The following HERC2 variants were observed in gnomAD, a reference collection of about 807,000 sequenced individuals.
The protein encoded by HERC2 is E3 ubiquitin-protein ligase HERC2.
Under a neutral mutation model 537.7 loss-of-function variants are expected in HERC2, and 102 were observed. The ratio of observed to expected loss-of-function variants is 0.19; its 90% CI spans 0.16 to 0.22. The LOEUF is 0.22. Among genes scored for constraint, HERC2 ranks in the 10% least tolerant of loss-of-function variants. The pLI is 1.00. For missense variants in HERC2, 4,236 were observed against 6,198.2 expected (o/e 0.68, Z 10.63); for synonymous variants, 2,224 against 2,466.2 (o/e 0.90, Z 2.91).
chr15:28,167,943 T>C (rs1464698480), intron 67 of HERC2, 116 bp from the exon 68 acceptor site: 10 of 1,174,096 alleles, frequency 8.5e-6, no homozygotes, highest in Middle Eastern at 2.9e-4. Flanking sequence ...TTTAGAATGT[T>C]CCAGATTTTA....
In HERC2 at chr15:28,315,782, G is replaced by A. The variant is rs1196713735; in HGVS notation, c.72+5580C>T. 4.9e-6 allele frequency: 7 copies of A among 1,439,912 alleles called. No homozygotes were observed. The African/African-American group carries it at 8.4e-5, about 17-fold the overall frequency. 89.2% of individuals were successfully genotyped at this position (1,439,912 alleles called of 1,614,324 possible). A position where few individuals can be genotyped will look rare whatever the true frequency, so the allele number is the denominator to read the frequency against. On this transcript the variant is annotated intron_variant, in intron 2 of 92. Coordinates refer to ENST00000261609, the MANE Select transcript of HERC2 (RefSeq NM_004667.6). ...AGAGGTCCAAGTAAACCGCTAGCTTGTTGCACTGTGGAGGCCACAGGAGCA... is the reference window on the plus strand; with the variant it reads ...AGAGGTCCAAGTAAACCGCTAGCTTATTGCACTGTGGAGGCCACAGGAGCA...
Position 28,265,842 on chromosome 15 carries a change from G to A in HERC2, c.1731C>T (p.Arg577=), listed in dbSNP as rs138275638. ...TAEGELYTWG[R]GNYGRLGHGS... ...CATGGCCCAGCCGGCCGTAGTTCCC[G>A]CGGCCCCAGGTGTACAGCTCCCCCT... Residue 577 remains arginine, a synonymous_variant, in exon 13 of 93, where the codon CGC becomes CGT. Coordinates refer to ENST00000261609, the MANE Select transcript of HERC2 (RefSeq NM_004667.6). The surrounding 1 kb of genome is among the most constrained non-coding windows in gnomAD (Gnocchi z 4.0). The A allele has an allele frequency of 5.5e-5, 89 of 1,614,142 alleles. No homozygotes were observed. In the African/African-American group the frequency reaches 7.9e-4, roughly 14 times the overall value.
chr15:28,285,092 CT>C (rs1309934739), intron 4 of HERC2, among the ~76,000 whole-genome samples: 2 of 152,028 alleles, frequency 1.3e-5, no homozygotes, highest in African/African-American at 4.8e-5. Context: ...GACATTTATA[CT>C]TTTATAGTTG....
intron 3 of HERC2, among the ~76,000 whole-genome samples, chr15:28,295,597 C>T (rs1472511557): frequency 6.6e-6 from 1 of 152,058 alleles, no homozygotes; most frequent in African/African-American, 2.4e-5. Flanking sequence ...GGGGTTTCAC[C>T]ATGTTGGCCA....
At chr15:28,224,861 G>A (rs892767039) in intron 35 of HERC2, among the ~76,000 whole-genome samples, 2 of 152,138 alleles carry the variant, frequency 1.3e-5, no homozygotes, top group Admixed American at 6.5e-5. Flanking sequence ...AAATTTACAA[G>A]TATATGAAAA....
chr15:28,143,734 C>T, intron 74 of HERC2, 139 bp downstream of exon 74: 4 of 1,073,740 alleles, frequency 3.7e-6, no homozygotes, highest in Non-Finnish European at 5.4e-6. Flanking sequence ...GCATGAGCCA[C>T]CGCGCCCGGT....
At position 28,272,375 on chromosome 15, in the gene HERC2, G is replaced by A; in HGVS notation, c.923C>T (p.Ser308Phe). 4 of 1,611,720 alleles carry A rather than the reference G, an allele frequency of 2.5e-6. No individual in the cohort carries two copies. The highest frequency in any genetic ancestry group is 3.4e-6 in the Non-Finnish European group (4 of 1,178,742). ...VQRGTLSQML[S>F]AILLLLQLWD... ...CAGCTGAAGCAACAACAGGATGGCA[G>A]ACAACATTTGGCTAAAGGAGAAAAG... Residue 308 changes from serine to phenylalanine, a missense_variant, in exon 9 of 93, where the codon TCT becomes TTT. By Grantham distance (155) the Ser-to-Phe change is radical (BLOSUM62 -2). Transcript: ENST00000261609.
intron 2 of HERC2, among the ~76,000 whole-genome samples, chr15:28,302,795 T>C (rs1423046466): frequency 4.0e-5 from 6 of 151,012 alleles, no homozygotes; most frequent in African/African-American, 7.3e-5. Flanking sequence ...TGTTTGTCAT[T>C]TGTATATCTT....
At position 28,191,131 on chromosome 15, in the gene HERC2, T is replaced by A; in HGVS notation, c.8557+8A>T. ...GGTACTTCTTTTTAGGTAAACTAAC[T>A]GAATTACCTGACACTACAACCAGGG... On this transcript the variant is annotated splice_region_variant and intron_variant, in intron 54 of 92. Coordinates refer to ENST00000261609, the MANE Select transcript of HERC2 (RefSeq NM_004667.6). The A allele has an allele frequency of 6.2e-7, 1 of 1,604,878 alleles. No individual in the cohort carries two copies. The highest frequency in any genetic ancestry group is 8.5e-7 in the Non-Finnish European group (1 of 1,171,676).
chr15:28,201,573 T>C lies in HERC2; in HGVS notation c.7618-19A>G, dbSNP rs1249577595. 2.0e-6 allele frequency: 3 copies of C among 1,519,774 alleles called. No homozygotes were observed. The South Asian group carries it at 3.4e-5, about 17-fold the overall frequency. 94.1% of individuals were successfully genotyped at this position (1,519,774 alleles called of 1,614,324 possible). On this transcript the variant is annotated intron_variant, in intron 47 of 92. Transcript: ENST00000261609. ...CAGTAGACTGCAAGAAATAAATACATTCAAACAAAAAAACAGGAGAACATG... is the reference window on the plus strand; with the variant it reads ...CAGTAGACTGCAAGAAATAAATACACTCAAACAAAAAAACAGGAGAACATG...
chr15:28,147,632 T>C (rs1891898030), intron 70 of HERC2, among the ~76,000 whole-genome samples: 2 of 140,496 alleles, frequency 1.4e-5, no homozygotes, highest in Non-Finnish European at 3.0e-5. Context: ...GTGACAAAGC[T>C]TTTCTGAATC....
In HERC2 at chr15:28,205,405, T is replaced by G. The variant is rs574360555; in HGVS notation, c.7212+835A>C. ...CCCAGACCTGAGAAGAAGCTGGAGT[T>G]CAGAAGAGCTCATGGCCAACCTCCT... On this transcript the variant is annotated intron_variant, in intron 45 of 92. Transcript: ENST00000261609. Among the ~76,000 whole-genome samples, 40 of 135,486 alleles carry G rather than the reference T, an allele frequency of 3.0e-4. No homozygotes were observed. The East Asian group carries it at 4.7e-3, about 16-fold the overall frequency. The allele number at this position is 135,486 out of a possible 152,430, so 88.9% of individuals were successfully genotyped here. A position where few individuals can be genotyped will look rare whatever the true frequency, so the allele number is the denominator to read the frequency against.
At chr15:28,196,147 C>T in intron 52 of HERC2, 68 bp downstream of exon 52, 1 of 1,369,708 alleles carries the variant, frequency 7.3e-7, no homozygotes, top group Admixed American at 2.0e-5. Flanking sequence ...AATTCCAATA[C>T]ACTGTGGTCC....
chr15:28,298,256 C>T (rs1382254701), intron 3 of HERC2, among the ~76,000 whole-genome samples: 1 of 147,470 alleles, frequency 6.8e-6, no homozygotes, highest in Admixed American at 6.7e-5. Context: ...CGGCTCCAAG[C>T]AATTCTCCTG....
At chr15:28,194,601 A>T (rs1197760458) in intron 52 of HERC2, among the ~76,000 whole-genome samples, 1 of 151,534 alleles carries the variant, frequency 6.6e-6, no homozygotes, top group Non-Finnish European at 1.5e-5. Flanking sequence ...AAAACAAAAA[A>T]ACAGGCATGA....
At chr15:28,189,833 CT>C (rs918276877) in intron 55 of HERC2, among the ~76,000 whole-genome samples, 1 of 151,914 alleles carries the variant, frequency 6.6e-6, no homozygotes, top group African/African-American at 2.4e-5. Flanking sequence ...TAAAATAAAA[CT>C]TTTTTAAAAA....
intron 81 of HERC2, among the ~76,000 whole-genome samples, chr15:28,131,797 T>C (rs1157552395): frequency 6.6e-6 from 1 of 152,170 alleles, no homozygotes; most frequent in Non-Finnish European, 1.5e-5. Flanking sequence ...TATCCTTCTC[T>C]GAGACAGGCC....
intron 20 of HERC2, among the ~76,000 whole-genome samples, chr15:28,250,228 G>T (rs988564016): frequency 5.3e-5 from 8 of 152,182 alleles, no homozygotes; most frequent in African/African-American, 1.9e-4. Context: ...AGTAAGGACA[G>T]AAGCAGGAGA....
At chr15:28,151,520 T>A (rs1892449667) in intron 70 of HERC2, among the ~76,000 whole-genome samples, 1 of 151,644 alleles carries the variant, frequency 6.6e-6, no homozygotes, top group Non-Finnish European at 1.5e-5. Flanking sequence ...AAGGAAAAAA[T>A]TTTTAAGTAT....
Sources: allele counts gnomAD v4.1 joint callset (sites outside exome capture counted in the v4.1 genomes callset), GRCh38; gene constraint gnomAD v4.1.1; non-coding constraint Gnocchi (gnomAD v3.1); transcripts MANE v1.5; gene names NCBI Gene and HGNC (gene_info 2026-07-23, HGNC 2026-07-21).